Variants in GPHN observed in about 807,000 individuals in gnomAD.
GPHN encodes the protein gephyrin.
A neutral mutation model predicts 95.5 loss-of-function variants in GPHN; 17 were observed. That is an observed-to-expected ratio of 0.18 (90% CI 0.12 to 0.27). The LOEUF is 0.27. GPHN is among the 10% of genes least tolerant of loss of function. GPHN has a pLI of 1.00. For synonymous variants in GPHN, 320 were observed against 322.5 expected, an observed-to-expected ratio of 0.99 and a Z score of 0.08; for missense variants, 660 against 978.1, an observed-to-expected ratio of 0.67 and a Z score of 4.34.
intron 2 of GPHN, among the ~76,000 whole-genome samples, chr14:66,759,841 G>A (rs951590904): frequency 1.3e-5 from 2 of 152,106 alleles, no homozygotes; most frequent in African/African-American, 4.8e-5. Flanking sequence ...ATACATAAGT[G>A]AAATATGTAA....
chr14:67,214,260 T>C, the GPHN span, among the ~76,000 whole-genome samples: 2 of 152,194 alleles, frequency 1.3e-5, no homozygotes, highest in Non-Finnish European at 2.9e-5. Context: ...TCCTGAATGG[T>C]ATTGCCTAGG....
chr14:67,453,961 A>C, the GPHN span: 1 of 152,102 alleles, frequency 6.6e-6, no homozygotes, highest in Non-Finnish European at 1.5e-5. Context: ...GGAGGGCCTT[A>C]AAAAAGGTAT....
the GPHN span, among the ~76,000 whole-genome samples, chr14:67,286,125 T>C: frequency 6.6e-6 from 1 of 152,234 alleles, no homozygotes; most frequent in Non-Finnish European, 1.5e-5. Context: ...GTTACAGACT[T>C]GAATTTACTA....
At chr14:67,624,106 C>T in the GPHN span, among the ~76,000 whole-genome samples, 1 of 152,164 alleles carries the variant, frequency 6.6e-6, no homozygotes, top group Non-Finnish European at 1.5e-5. Context: ...AAAGGCATTG[C>T]TCTGGCAAGG....
chr14:67,418,595 C>T, the GPHN span, among the ~76,000 whole-genome samples: 4 of 152,128 alleles, frequency 2.6e-5, no homozygotes, highest in African/African-American at 7.2e-5. Flanking sequence ...TACTCTGGGT[C>T]CAGGAATGAA....
chr14:67,180,747 G>A, intron 22 of GPHN, 57 bp from the exon 23 acceptor site: 2 of 1,564,468 alleles, frequency 1.3e-6, no homozygotes, highest in Non-Finnish European at 1.8e-6. Context: ...GTCTACAAGG[G>A]CCCAACTGTA....
At chr14:67,659,884 CAG>C in the GPHN span, 15 of 1,614,016 alleles carry the variant, frequency 9.3e-6, no homozygotes, top group Non-Finnish European at 1.1e-5. Flanking sequence ...TTCGGAAAGA[CAG>C]GGGTGCATAA....
At chr14:66,864,260 A>G (rs1033330471) in intron 4 of GPHN, among the ~76,000 whole-genome samples, 2 of 152,174 alleles carry the variant, frequency 1.3e-5, no homozygotes, top group African/African-American at 2.4e-5. Context: ...CAAAACCACA[A>G]TGAGATATCA....
At chr14:67,301,936 C>G in the GPHN span, 14 of 1,569,468 alleles carry the variant, frequency 8.9e-6, no homozygotes, top group Non-Finnish European at 1.2e-5. Flanking sequence ...ATAAATCATG[C>G]TGTTACTTAA....
At chr14:67,245,269 CA>C in the GPHN span, among the ~76,000 whole-genome samples, 1 of 152,132 alleles carries the variant, frequency 6.6e-6, no homozygotes. Context: ...GCATTTCCAC[CA>C]GCAATATATG....
chr14:66,719,491 C>A (rs574506295), intron 2 of GPHN, among the ~76,000 whole-genome samples: 2 of 152,266 alleles, frequency 1.3e-5, no homozygotes, highest in South Asian at 4.1e-4. Flanking sequence ...TCTCAGGTGT[C>A]TCCTGGGTCC....
chr14:66,848,034 A>G (rs1014118563), intron 4 of GPHN, among the ~76,000 whole-genome samples: 2 of 152,078 alleles, frequency 1.3e-5, no homozygotes, highest in African/African-American at 4.8e-5. Context: ...TATGAACATC[A>G]AAATCAATAC....
At chr14:67,605,483 A>G in the GPHN span, among the ~76,000 whole-genome samples, 1 of 152,126 alleles carries the variant, frequency 6.6e-6, no homozygotes, top group African/African-American at 2.4e-5. Context: ...TGGCCTCCCA[A>G]AGTGCTGGGC....
chr14:66,628,640 T>C (rs1176076666), intron 1 of GPHN, among the ~76,000 whole-genome samples: 1 of 152,166 alleles, frequency 6.6e-6, no homozygotes, highest in Non-Finnish European at 1.5e-5. Flanking sequence ...ACACTAATTA[T>C]ATTAAAAGAT....
chr14:67,144,098 C>A (rs535976754), intron 18 of GPHN, among the ~76,000 whole-genome samples: 1 of 149,968 alleles, frequency 6.7e-6, no homozygotes, highest in Non-Finnish European at 1.5e-5. Context: ...ATTAGCTGGG[C>A]ATGGTGGCAC....
At chr14:67,369,517 C>T in the GPHN span, among the ~76,000 whole-genome samples, 7 of 152,160 alleles carry the variant, frequency 4.6e-5, no homozygotes, top group East Asian at 1.9e-4. Flanking sequence ...AGGCAAAATA[C>T]ACATTATTTT....
At chr14:66,773,083 A>C (rs1172641589) in intron 2 of GPHN, among the ~76,000 whole-genome samples, 3 of 152,150 alleles carry the variant, frequency 2.0e-5, no homozygotes, top group African/African-American at 7.2e-5. Context: ...TGGTCTCCCC[A>C]GAGAAGACTG....
intron 1 of GPHN, among the ~76,000 whole-genome samples, chr14:66,601,603 A>G (rs772076448): frequency 6.6e-6 from 1 of 151,962 alleles, no homozygotes; most frequent in African/African-American, 2.4e-5. Flanking sequence ...GCATAGCACC[A>G]TTAATTGGAA....
intron 9 of GPHN, among the ~76,000 whole-genome samples, chr14:67,012,522 G>A (rs1210322481): frequency 1.3e-5 from 2 of 152,076 alleles, no homozygotes; most frequent in Non-Finnish European, 2.9e-5. Context: ...ATGTGGAAGA[G>A]GTTACAAATA....
Sources: gnomAD v4.1 joint callset for allele counts (sites outside exome capture counted in the v4.1 genomes callset) on GRCh38, gnomAD v4.1.1 for gene constraint, MANE v1.5 for transcripts, NCBI Gene and HGNC (gene_info 2026-07-23, HGNC 2026-07-21) for gene names.